VTI1A: variants seen among roughly 807,000 people sequenced by gnomAD.
The protein encoded by VTI1A is vesicle transport through interaction with t-SNAREs homolog 1A.
In VTI1A, 22 loss-of-function variants were observed where a neutral mutation model predicts 34.9. The ratio of observed to expected loss-of-function variants is 0.63; its 90% CI spans 0.45 to 0.90. The LOEUF is 0.90. Ranked by LOEUF, VTI1A falls within the 40% of genes least tolerant of loss-of-function variation. The probability of loss-of-function intolerance (pLI) is 0.00; values close to 1 mark genes in which losing one functional copy is unlikely to be tolerated. For synonymous variants in VTI1A, 87 were observed against 97.3 expected, an observed-to-expected ratio of 0.89 and a Z score of 0.62; for missense variants, 268 against 275.6, an observed-to-expected ratio of 0.97 and a Z score of 0.20.
At chr10:112,583,731 G>A (rs1455870474) in intron 5 of VTI1A, among the ~76,000 whole-genome samples, 2 of 152,148 alleles carry the variant, frequency 1.3e-5, no homozygotes, top group African/African-American at 4.8e-5. Context: ...GCAGAGCAGG[G>A]GTGGGTACGC....
intron 7 of VTI1A, among the ~76,000 whole-genome samples, chr10:112,812,767 C>T (rs1564935474): frequency 6.6e-6 from 1 of 152,128 alleles, no homozygotes; most frequent in Non-Finnish European, 1.5e-5. Context: ...ATGCCCTTTC[C>T]TGCTGACACC....
intron 7 of VTI1A, among the ~76,000 whole-genome samples, chr10:112,684,578 A>G (rs1029672517): frequency 3.3e-5 from 5 of 151,576 alleles, no homozygotes; most frequent in Admixed American, 2.6e-4. Context: ...AGCTGGGATT[A>G]TAGGCACGGG....
chr10:112,842,267 C>T, the VTI1A span, among the ~76,000 whole-genome samples: 1 of 152,032 alleles, frequency 6.6e-6, no homozygotes, highest in African/African-American at 2.4e-5. Context: ...TACATATTCT[C>T]ATGCTTTCAT....
intron 7 of VTI1A, among the ~76,000 whole-genome samples, chr10:112,680,037 A>G (rs1848162019): frequency 6.6e-6 from 1 of 152,218 alleles, no homozygotes; most frequent in African/African-American, 2.4e-5. Flanking sequence ...AAAAAAGTTG[A>G]GAAAATGAGA....
intron 7 of VTI1A, among the ~76,000 whole-genome samples, chr10:112,780,025 C>T (rs1399742143): frequency 6.6e-6 from 1 of 150,990 alleles, no homozygotes. Flanking sequence ...GATTACAGCT[C>T]ACACCTGTAA....
At chr10:112,747,699 C>A (rs544425306) in intron 7 of VTI1A, among the ~76,000 whole-genome samples, 1 of 152,166 alleles carries the variant, frequency 6.6e-6, no homozygotes, top group Non-Finnish European at 1.5e-5. Context: ...TGATTCTTCA[C>A]CCTTACCTGG....
At chr10:112,797,909 G>C (rs1852727551) in intron 7 of VTI1A, among the ~76,000 whole-genome samples, 1 of 152,224 alleles carries the variant, frequency 6.6e-6, no homozygotes, top group Non-Finnish European at 1.5e-5. Context: ...CGTTCTGGCA[G>C]CTGACTTGGA....
chr10:112,651,914 G>T (rs7923060), intron 5 of VTI1A, among the ~76,000 whole-genome samples: 1 of 152,130 alleles, frequency 6.6e-6, no homozygotes, highest in African/African-American at 2.4e-5. Flanking sequence ...GCAAACTTCC[G>T]CAGAACGTTA....
At chr10:112,509,510 C>T (rs931578704) in intron 3 of VTI1A, among the ~76,000 whole-genome samples, 1 of 152,078 alleles carries the variant, frequency 6.6e-6, no homozygotes, top group Non-Finnish European at 1.5e-5. Context: ...ACATATCAGG[C>T]GTTAAGATTG....
At chr10:112,492,972 C>T (rs911358075) in intron 3 of VTI1A, among the ~76,000 whole-genome samples, 2 of 152,198 alleles carry the variant, frequency 1.3e-5, no homozygotes, top group South Asian at 2.1e-4. Flanking sequence ...TACTCCCATT[C>T]CATGTGACCA....
intron 1 of VTI1A, 28 bp downstream of exon 1, chr10:112,447,495 G>A (rs1213637501): frequency 1.9e-6 from 3 of 1,609,694 alleles, no homozygotes; most frequent in East Asian, 4.5e-5. Context: ...CTGGACGAGG[G>A]TGCTGGGGAG....
At chr10:112,633,260 A>G (rs549676411) in intron 5 of VTI1A, among the ~76,000 whole-genome samples, 27 of 152,320 alleles carry the variant, frequency 1.8e-4, no homozygotes, top group Non-Finnish European at 3.8e-4. Context: ...CGGGACTTAC[A>G]TAATAATAGT....
At chr10:112,798,745 A>G (rs935120552) in intron 7 of VTI1A, among the ~76,000 whole-genome samples, 6 of 152,170 alleles carry the variant, frequency 3.9e-5, no homozygotes, top group Non-Finnish European at 5.9e-5. Flanking sequence ...CTGAGGCACT[A>G]TTTGTTCTCC....
chr10:112,798,187 CA>C (rs1412574284), intron 7 of VTI1A, among the ~76,000 whole-genome samples: 12 of 152,278 alleles, frequency 7.9e-5, no homozygotes, highest in African/African-American at 2.4e-4. Flanking sequence ...GTGGGACCCT[CA>C]GGGGGCTCTG....
the VTI1A span, among the ~76,000 whole-genome samples, chr10:112,847,792 C>T: frequency 2.6e-5 from 4 of 152,152 alleles, no homozygotes; most frequent in Non-Finnish European, 5.9e-5. Context: ...TCTTACAAAC[C>T]CTATGCTTTT....
intron 3 of VTI1A, among the ~76,000 whole-genome samples, chr10:112,478,715 CAT>C (rs1349397872): frequency 1.3e-5 from 2 of 152,026 alleles, no homozygotes; most frequent in Admixed American, 1.3e-4. Flanking sequence ...TATGATATTA[CAT>C]ATTATTTTAT....
intron 1 of VTI1A, among the ~76,000 whole-genome samples, chr10:112,453,823 A>G (rs568406315): frequency 7.2e-4 from 110 of 152,290 alleles, no homozygotes; most frequent in African/African-American, 2.5e-3. Flanking sequence ...CAAGATCTGG[A>G]CAGTAGGTGT....
chr10:112,513,516 G>T (rs1308722770), intron 3 of VTI1A, among the ~76,000 whole-genome samples: 1 of 151,880 alleles, frequency 6.6e-6, no homozygotes, highest in Non-Finnish European at 1.5e-5. Flanking sequence ...TTTCTGTTAG[G>T]ATTCCTTTAA....
intron 4 of VTI1A, among the ~76,000 whole-genome samples, chr10:112,527,706 CATA>C (rs57108083): frequency 0.16 from 23,048 of 146,984 alleles, 2,255 homozygotes; most frequent in African/African-American, 0.28. Flanking sequence ...AAATAATAGT[CATA>C]ATAATAATAA....
Sources: allele counts gnomAD v4.1 joint callset (sites outside exome capture counted in the v4.1 genomes callset), GRCh38; gene constraint gnomAD v4.1.1; transcripts MANE v1.5; gene names NCBI Gene and HGNC (gene_info 2026-07-23, HGNC 2026-07-21).